The following EPN2 variants were observed in gnomAD, a reference collection of about 807,000 sequenced individuals.
The protein encoded by EPN2 is epsin 2, also known as epsin-2.
In EPN2, 34 loss-of-function variants were observed where a neutral mutation model predicts 61.7. The observed-to-expected ratio is 0.55, with a 90% CI of 0.42 to 0.73. The LOEUF (loss-of-function observed/expected upper bound fraction) is 0.73, where lower values mean the gene tolerates loss of function less well. EPN2 is among the 30% of genes least tolerant of loss of function. EPN2 has a pLI of 0.00. For synonymous variants in EPN2, 349 were observed against 353.6 expected (o/e 0.99, Z 0.15); for missense variants, 714 against 839.2 (o/e 0.85, Z 1.84).
At chr17:19,312,015 G>A in intron 5 of EPN2, 37 bp from the exon 6 acceptor site, 1 of 1,362,556 alleles carries the variant, frequency 7.3e-7, no homozygotes. Context: ...GTACAGTGAT[G>A]TTATTACAAT....
At chr17:19,331,687 G>A (rs532934026) in intron 9 of EPN2, among the ~76,000 whole-genome samples, 166 bp from the exon 10 acceptor site, 32 of 152,176 alleles carry the variant, frequency 2.1e-4, no homozygotes, top group African/African-American at 6.5e-4. Context: ...CTGGTGTTTC[G>A]TTATGTGGAC....
intron 9 of EPN2, among the ~76,000 whole-genome samples, chr17:19,331,041 T>C (rs909538284): frequency 2.0e-5 from 3 of 152,304 alleles, no homozygotes; most frequent in Admixed American, 1.3e-4. Flanking sequence ...GCTCAGCTCA[T>C]ATTGTCAGAT....
intron 1 of EPN2, among the ~76,000 whole-genome samples, chr17:19,253,161 C>T (rs1459417128): frequency 6.6e-6 from 1 of 152,162 alleles, no homozygotes; most frequent in Non-Finnish European, 1.5e-5. Context: ...ATCCGTTAAC[C>T]TACTTTCTGT....
intron 7 of EPN2, among the ~76,000 whole-genome samples, chr17:19,321,557 C>T (rs906158034): frequency 3.3e-5 from 5 of 152,142 alleles, no homozygotes; most frequent in Admixed American, 3.3e-4. Flanking sequence ...AGAACCAGGG[C>T]ATCCTTGCAG....
intron 7 of EPN2, among the ~76,000 whole-genome samples, chr17:19,317,803 A>G (rs78684543): frequency 3.9e-5 from 6 of 152,288 alleles, no homozygotes; most frequent in African/African-American, 9.6e-5. Flanking sequence ...TCTACTGTCC[A>G]TTCATAGAGG....
chr17:19,300,140 A>G (rs561021471), intron 4 of EPN2, among the ~76,000 whole-genome samples: 3 of 152,236 alleles, frequency 2.0e-5, no homozygotes, highest in East Asian at 1.9e-4. Flanking sequence ...TCTACCCCCA[A>G]TGTCCGGAGA....
chr17:19,255,564 T>G (rs2045067632), intron 1 of EPN2, among the ~76,000 whole-genome samples: 1 of 147,548 alleles, frequency 6.8e-6, no homozygotes, highest in African/African-American at 2.5e-5. Context: ...GGGAGAGTTT[T>G]TTTTTTTTTT....
chr17:19,259,107 A>G (rs1248847205), intron 1 of EPN2, among the ~76,000 whole-genome samples: 1 of 152,236 alleles, frequency 6.6e-6, no homozygotes, highest in Non-Finnish European at 1.5e-5. Context: ...AATTCATTAT[A>G]TAACATAGCG....
intron 4 of EPN2, chr17:19,308,118 G>A (rs576233326): frequency 5.0e-5 from 41 of 817,906 alleles, no homozygotes; most frequent in Non-Finnish European, 5.8e-5. Context: ...CTTTTGCCCA[G>A]GCTGGAGTGC....
chr17:19,243,542 G>T (rs1390247590), intron 1 of EPN2, among the ~76,000 whole-genome samples: 1 of 151,712 alleles, frequency 6.6e-6, no homozygotes, highest in Non-Finnish European at 1.5e-5. Context: ...ACAGGCACCC[G>T]CCACCACACC....
chr17:19,297,278 G>C (rs2045529515), intron 4 of EPN2: 1 of 152,228 alleles, frequency 6.6e-6, no homozygotes, highest in South Asian at 2.1e-4. Context: ...ATCTGGAGAG[G>C]AACTGAAGGC....
At chr17:19,298,172 C>T (rs2045539589) in intron 4 of EPN2, among the ~76,000 whole-genome samples, 1 of 152,052 alleles carries the variant, frequency 6.6e-6, no homozygotes, top group South Asian at 2.1e-4. Context: ...CCACGCCCAG[C>T]CTCATTTATG....
At chr17:19,305,817 T>G (rs1380805814) in intron 4 of EPN2, 1 of 152,162 alleles carries the variant, frequency 6.6e-6, no homozygotes, top group Non-Finnish European at 1.5e-5. Flanking sequence ...TTTCTTGGTC[T>G]TCTTTTTAGA....
Position 19,335,522 on chromosome 17 carries a change from G to C in EPN2, c.*1268G>C, listed in dbSNP as rs1428180787. The C allele has an allele frequency of 6.6e-7, 1 of 1,516,232 alleles. No homozygotes were observed. The highest frequency in any genetic ancestry group is 2.1e-5 in the Admixed American group (1 of 48,232). The allele number at this position is 1,516,232 out of a possible 1,614,324, so 93.9% of individuals were successfully genotyped here. ...TAATCCACGCTCAGGCTAAAGATGG[G>C]GATAATGTGGAAATGGCAGTTGTCC... On this transcript the variant is annotated 3_prime_UTR_variant, in exon 11 of 11. Transcript: ENST00000314728.
At chr17:19,292,938 T>C (rs1338079983) in intron 4 of EPN2, among the ~76,000 whole-genome samples, 1 of 152,274 alleles carries the variant, frequency 6.6e-6, no homozygotes, top group East Asian at 1.9e-4. Context: ...AGAACTCTGG[T>C]TCTCTTTCCT....
chr17:19,267,298 A>G (rs144928740), intron 1 of EPN2, among the ~76,000 whole-genome samples: 2 of 152,122 alleles, frequency 1.3e-5, no homozygotes, highest in African/African-American at 4.8e-5. Flanking sequence ...TTTTGGAATA[A>G]TAGTGAAATA....
At position 19,313,232 on chromosome 17, in the gene EPN2, G is replaced by A; in HGVS notation, c.1100G>A (p.Gly367Asp). Residue 367 changes from glycine (G) to aspartate (D), a missense_variant, in exon 7 of 11, where the codon GGC becomes GAC. Physicochemically the swap from Gly to Asp is moderately conservative, Grantham distance 94 (BLOSUM62 -1). Around this residue, in one of 2 missense-constraint regions of EPN2, gnomAD observed 410 missense variants for 421.8 expected, o/e 0.97. Transcript: ENST00000314728. Reference protein sequence around the residue: ...SASTNQTNPWGGPAAPASTSD... With the variant: ...SASTNQTNPWDGPAAPASTSD... ...TCCACTAACCAGACCAACCCCTGGGGCGGGCCAGCGGCTCCTGCGAGTACT... is the reference window on the plus strand; with the variant it reads ...TCCACTAACCAGACCAACCCCTGGGACGGGCCAGCGGCTCCTGCGAGTACT... The A allele has an allele frequency of 6.3e-7, 1 of 1,591,816 alleles. No individual in the cohort carries two copies.
chr17:19,266,336 C>T (rs916307095), intron 1 of EPN2, among the ~76,000 whole-genome samples: 1 of 152,096 alleles, frequency 6.6e-6, no homozygotes, highest in Non-Finnish European at 1.5e-5. Flanking sequence ...CAGTATATAC[C>T]CAGGAGAACT....
intron 4 of EPN2, among the ~76,000 whole-genome samples, chr17:19,302,987 C>T (rs754091231): frequency 1.3e-5 from 2 of 152,162 alleles, no homozygotes; most frequent in East Asian, 1.9e-4. Context: ...TCCCTCTGGG[C>T]GAGTGTCAGA....
Sources: gnomAD v4.1 joint callset for allele counts (sites outside exome capture counted in the v4.1 genomes callset) on GRCh38, gnomAD v4.1.1 for gene constraint, gnomAD v4.1.1 regional missense constraint, MANE v1.5 for transcripts, NCBI Gene and HGNC (gene_info 2026-07-23, HGNC 2026-07-21) for gene names.